The following RYR3 variants were observed in gnomAD, a reference collection of about 807,000 sequenced individuals.
The protein encoded by RYR3 is brain ryanodine receptor-calcium release channel.
A neutral mutation model predicts 584.3 loss-of-function variants in RYR3; 207 were observed. That is an observed-to-expected ratio of 0.35 (90% confidence interval 0.32 to 0.40). The LOEUF is 0.40. Ranked by LOEUF, RYR3 falls within the 10% of genes least tolerant of loss-of-function variation. The pLI, the probability that RYR3 is intolerant of heterozygous loss-of-function variation, is 1.00. For synonymous variants in RYR3, 2,416 were observed against 2,248.5 expected, an observed-to-expected ratio of 1.07 and a Z score of -2.11; for missense variants, 5,616 against 6,089.2, an observed-to-expected ratio of 0.92 and a Z score of 2.59.
At chr15:33,668,958 T>C (rs574903625) in intron 36 of RYR3, among the ~76,000 whole-genome samples, 1 of 152,268 alleles carries the variant, frequency 6.6e-6, no homozygotes, top group Admixed American at 6.5e-5. Flanking sequence ...CTATTAAAAA[T>C]TGGATTAAGA....
intron 102 of RYR3, among the ~76,000 whole-genome samples, chr15:33,863,577 CACAG>C (rs1889308067): frequency 1.3e-5 from 2 of 152,154 alleles, no homozygotes. Flanking sequence ...ACTTATGTGT[CACAG>C]ACAAACTCAA....
chr15:33,828,814 T>A (rs2077509358), intron 85 of RYR3, among the ~76,000 whole-genome samples: 1 of 152,234 alleles, frequency 6.6e-6, no homozygotes, highest in African/African-American at 2.4e-5. Context: ...CCAGAAGATC[T>A]ATCTAGGATA....
intron 1 of RYR3, among the ~76,000 whole-genome samples, chr15:33,420,307 G>C (rs913661583): frequency 6.6e-6 from 1 of 152,208 alleles, no homozygotes; most frequent in Non-Finnish European, 1.5e-5. Flanking sequence ...AGAAGAATCA[G>C]AATGTCAGGG....
chr15:33,527,610 A>G (rs2054505216), intron 3 of RYR3, among the ~76,000 whole-genome samples: 1 of 150,876 alleles, frequency 6.6e-6, no homozygotes, highest in African/African-American at 2.4e-5. Context: ...AAGGCGTATC[A>G]TATTTCACCC....
chr15:33,568,110 GA>G (rs2057817224), intron 12 of RYR3, among the ~76,000 whole-genome samples: 1 of 152,110 alleles, frequency 6.6e-6, no homozygotes, highest in Non-Finnish European at 1.5e-5. Flanking sequence ...ATCTGTAGAG[GA>G]AAAAAGTAGA....
At chr15:33,749,403 G>T (rs1192986685) in intron 55 of RYR3, among the ~76,000 whole-genome samples, 1 of 152,088 alleles carries the variant, frequency 6.6e-6, no homozygotes, top group African/African-American at 2.4e-5. Context: ...CCCTAGCCTG[G>T]AGCACTCACC....
rs140768412 is a variant in RYR3, at chr15:33,530,573, T to C, written c.280-19T>C. Reference sequence around the variant, plus strand: ...CCACAACGGGCATGTGCTGACCTTATTCTTCCTCATTCCCACAGGCAGCAC... The same window carrying C: ...CCACAACGGGCATGTGCTGACCTTACTCTTCCTCATTCCCACAGGCAGCAC... On this transcript the variant is annotated intron_variant, in intron 3 of 103. Coordinates refer to ENST00000634891, the MANE Select transcript of RYR3 (RefSeq NM_001036.6). The C allele has an allele frequency of 2.3e-4, 364 of 1,596,084 alleles. No homozygotes were observed. In the African/African-American group the frequency reaches 4.2e-3, roughly 18 times the overall value.
chr15:33,635,138 C>T (rs769968401), intron 25 of RYR3, among the ~76,000 whole-genome samples: 21 of 152,232 alleles, frequency 1.4e-4, no homozygotes, highest in East Asian at 1.9e-4. Context: ...TGAACAACAG[C>T]TTAAAATTGA....
intron 1 of RYR3, among the ~76,000 whole-genome samples, chr15:33,386,932 A>G (rs1203229763): frequency 6.6e-6 from 1 of 151,880 alleles, no homozygotes; most frequent in Non-Finnish European, 1.5e-5. Context: ...ATCTCAGCTC[A>G]CTGCAAGCTC....
chr15:33,326,491 C>T (rs907420059), intron 1 of RYR3, among the ~76,000 whole-genome samples: 2 of 152,182 alleles, frequency 1.3e-5, no homozygotes, highest in South Asian at 4.1e-4. Context: ...AAAAGTTATA[C>T]ATCCTAGAAG....
At chr15:33,723,498 T>G (rs1394456098) in intron 44 of RYR3, among the ~76,000 whole-genome samples, 1 of 152,230 alleles carries the variant, frequency 6.6e-6, no homozygotes, top group Non-Finnish European at 1.5e-5. Context: ...TCATGTCCCT[T>G]TCTTTATCAC....
intron 38 of RYR3, among the ~76,000 whole-genome samples, chr15:33,684,255 T>A (rs777625528): frequency 1.3e-5 from 2 of 152,152 alleles, no homozygotes; most frequent in Non-Finnish European, 2.9e-5. Flanking sequence ...ACACCTCATA[T>A]AGGCAGGGTG....
intron 1 of RYR3, among the ~76,000 whole-genome samples, chr15:33,416,464 G>A (rs2043817090): frequency 2.0e-5 from 3 of 152,008 alleles, no homozygotes; most frequent in African/African-American, 2.4e-5. Flanking sequence ...GTAATGATGA[G>A]CATTTTTCAT....
chr15:33,516,017 C>T (rs183847978), intron 3 of RYR3, among the ~76,000 whole-genome samples: 29 of 152,192 alleles, frequency 1.9e-4, no homozygotes, highest in Middle Eastern at 3.4e-3. Context: ...TTCTTTTTCC[C>T]ACATGGTACG....
At chr15:33,661,838 G>A (rs550984490) in intron 34 of RYR3, among the ~76,000 whole-genome samples, 94 of 152,248 alleles carry the variant, frequency 6.2e-4, no homozygotes, top group African/African-American at 2.1e-3. Flanking sequence ...CAAGTAAGAC[G>A]ACCAAGTCAT....
chr15:33,751,086 A>G (rs1442887376), intron 57 of RYR3, among the ~76,000 whole-genome samples: 1 of 152,222 alleles, frequency 6.6e-6, no homozygotes, highest in Non-Finnish European at 1.5e-5. Flanking sequence ...ATGGCTGCAT[A>G]GTATTCCATG....
At chr15:33,419,292 G>C (rs750227494) in intron 1 of RYR3, among the ~76,000 whole-genome samples, 2 of 152,126 alleles carry the variant, frequency 1.3e-5, no homozygotes, top group Non-Finnish European at 2.9e-5. Context: ...TAGAGGCCAA[G>C]CACATTGAAA....
chr15:33,371,157 A>G (rs2040303418), intron 1 of RYR3, among the ~76,000 whole-genome samples: 1 of 152,236 alleles, frequency 6.6e-6, no homozygotes. Flanking sequence ...AGAGCATATT[A>G]TCCTGTTTTA....
At chr15:33,516,041 A>G (rs1008694528) in intron 3 of RYR3, among the ~76,000 whole-genome samples, 14 of 152,186 alleles carry the variant, frequency 9.2e-5, no homozygotes, top group Admixed American at 2.6e-4. Context: ...TGTTACTAAG[A>G]TAAAATTCTA....
Sources: allele counts gnomAD v4.1 joint callset (sites outside exome capture counted in the v4.1 genomes callset), GRCh38; gene constraint gnomAD v4.1.1; transcripts MANE v1.5; gene names NCBI Gene and HGNC (gene_info 2026-07-23, HGNC 2026-07-21).